Variants in EML5 observed in about 807,000 individuals in gnomAD.
EML5 encodes echinoderm microtubule-associated protein-like 5.
A neutral mutation model predicts 250.0 loss-of-function variants in EML5; 120 were observed. That is an observed-to-expected ratio of 0.48 (90% CI 0.41 to 0.56). The LOEUF is 0.56. Ranked by LOEUF, EML5 falls within the 20% of genes least tolerant of loss-of-function variation. The pLI, the probability that EML5 is intolerant of heterozygous loss-of-function variation, is 0.00. For synonymous variants in EML5, 771 were observed against 806.5 expected, an observed-to-expected ratio of 0.96 and a Z score of 0.75; for missense variants, 2,006 against 2,437.6, an observed-to-expected ratio of 0.82 and a Z score of 3.73.
rs142825923 is a variant in EML5 at position 88,642,832 on chromosome 14, C to A, written c.4237+61G>T. The A allele has an allele frequency of 4.5e-5, 67 of 1,498,060 alleles. No individual in the cohort carries two copies. The African/African-American group carries it at 8.8e-4, about 20-fold the overall frequency. 92.8% of individuals were successfully genotyped at this position (1,498,060 alleles called of 1,614,324 possible). Reference sequence around the variant, plus strand: ...TAGCTTTAACAAAGATTTTAAGCTGCTAGATCAAAATTTCTAAGTTAAAAA... The same window carrying A: ...TAGCTTTAACAAAGATTTTAAGCTGATAGATCAAAATTTCTAAGTTAAAAA... On this transcript the variant is annotated intron_variant, in intron 31 of 43. Transcript: ENST00000554922.
At chr14:88,751,873 T>C (rs916855365) in intron 2 of EML5, among the ~76,000 whole-genome samples, 1 of 152,154 alleles carries the variant, frequency 6.6e-6, no homozygotes, top group African/African-American at 2.4e-5. Context: ...ATCTTATTTG[T>C]GTCCATTAAC....
At chr14:88,729,076 A>C (rs866457848) in intron 7 of EML5, among the ~76,000 whole-genome samples, 1 of 144,906 alleles carries the variant, frequency 6.9e-6, no homozygotes, top group Non-Finnish European at 1.5e-5. Context: ...TTTTCTATAT[A>C]TATAAACACA....
chr14:88,732,090 T>G (rs943879040), intron 7 of EML5, among the ~76,000 whole-genome samples: 3 of 152,216 alleles, frequency 2.0e-5, no homozygotes, highest in African/African-American at 7.2e-5. Context: ...TTTGTCAATT[T>G]TGGCTTTTGT....
intron 2 of EML5, among the ~76,000 whole-genome samples, chr14:88,752,446 T>G (rs902472975): frequency 6.6e-6 from 1 of 152,200 alleles, no homozygotes; most frequent in Non-Finnish European, 1.5e-5. Context: ...ACATTAAGAC[T>G]TGAAAAATAA....
chr14:88,768,471 C>T (rs77141644), intron 1 of EML5, among the ~76,000 whole-genome samples: 19 of 151,616 alleles, frequency 1.3e-4, no homozygotes, highest in East Asian at 7.8e-4. Context: ...AGTGCAATGG[C>T]GCAATCTTGG....
rs2092552646 is a variant in EML5, at chr14:88,674,618, T to A, written c.3124+7272A>T. Reference sequence around the variant, plus strand: ...TGGGTGGGGACACAGTTAAACCACATCATTCTGACCCTGGCACTTCCCAAA... The same window carrying A: ...TGGGTGGGGACACAGTTAAACCACAACATTCTGACCCTGGCACTTCCCAAA... On this transcript the variant is annotated intron_variant, in intron 21 of 43. Transcript: ENST00000554922. 3.3e-5 allele frequency among the ~76,000 whole-genome samples: 5 copies of A among 152,224 alleles called. No individual in the cohort carries two copies. In the South Asian group the frequency reaches 1.0e-3, roughly 32 times the overall value.
At chr14:88,696,979 A>C in intron 14 of EML5, 27 bp from the exon 15 acceptor site, 2 of 1,360,202 alleles carry the variant, frequency 1.5e-6, no homozygotes, top group Admixed American at 2.3e-5. Flanking sequence ...GAAGCTATTA[A>C]ATACAATTAA....
chr14:88,690,229 G>A lies in EML5; in HGVS notation c.2540-1756C>T, dbSNP rs561676357. ...CAGTACTGCAGGCCATTGTAAGGAC[G>A]GCCTACTTTTGCTTTACATGAGATG... On this transcript the variant is annotated intron_variant, in intron 17 of 43. Transcript: ENST00000554922. Among the ~76,000 whole-genome samples, 204 of 152,252 alleles carry A rather than the reference G, an allele frequency of 1.3e-3. 1 individual carries two copies. The highest frequency in any genetic ancestry group is 2.6e-3 in the Admixed American group (39 of 15,294).
At chr14:88,744,470 T>G (rs2093976027) in intron 3 of EML5, among the ~76,000 whole-genome samples, 1 of 152,000 alleles carries the variant, frequency 6.6e-6, no homozygotes, top group Non-Finnish European at 1.5e-5. Flanking sequence ...TTACACAGCC[T>G]AGAAATAAGA....
chr14:88,635,442 G>A (rs2090667168), intron 32 of EML5, among the ~76,000 whole-genome samples: 1 of 152,168 alleles, frequency 6.6e-6, no homozygotes, highest in African/African-American at 2.4e-5. Flanking sequence ...GGGAGTGTTT[G>A]GTCTGGAGAG....
intron 41 of EML5, 87 bp from the exon 42 acceptor site, chr14:88,616,966 A>C: frequency 7.9e-7 from 1 of 1,270,950 alleles, no homozygotes; most frequent in Non-Finnish European, 1.1e-6. Flanking sequence ...ATTAATCTCT[A>C]AGTACCCTAT....
At chr14:88,631,232 G>C (rs571761415) in intron 33 of EML5, among the ~76,000 whole-genome samples, 1 of 151,944 alleles carries the variant, frequency 6.6e-6, no homozygotes, top group East Asian at 1.9e-4. Flanking sequence ...TTTTCTTTTT[G>C]AGACAAGGTC....
chr14:88,697,306 A>C (rs906066126), intron 14 of EML5, among the ~76,000 whole-genome samples: 3 of 152,218 alleles, frequency 2.0e-5, no homozygotes, highest in African/African-American at 7.2e-5. Flanking sequence ...CTGGAAAAAC[A>C]GGACATTATC....
chr14:88,659,655 CT>C (rs2092006480), intron 25 of EML5, among the ~76,000 whole-genome samples: 1 of 148,160 alleles, frequency 6.7e-6, no homozygotes, highest in South Asian at 2.1e-4. Context: ...GAACCTATTC[CT>C]AAGGGATCTA....
intron 25 of EML5, among the ~76,000 whole-genome samples, chr14:88,661,207 G>T (rs1359336196): frequency 2.0e-5 from 3 of 152,142 alleles, no homozygotes; most frequent in Non-Finnish European, 4.4e-5. Flanking sequence ...TCCCACCTCA[G>T]CCTCCTGAGT....
intron 1 of EML5, among the ~76,000 whole-genome samples, chr14:88,767,378 G>A (rs929247278): frequency 6.6e-6 from 1 of 152,128 alleles, no homozygotes; most frequent in African/African-American, 2.4e-5. Context: ...TGCCCTTCTT[G>A]AGCTCCGTAC....
At chr14:88,697,029 G>C (rs1219933819) in intron 14 of EML5, 77 bp from the exon 15 acceptor site, 1 of 976,928 alleles carries the variant, frequency 1.0e-6, no homozygotes, top group African/African-American at 1.7e-5. Context: ...AATAAAACAA[G>C]AGATTTTTAC....
intron 33 of EML5, among the ~76,000 whole-genome samples, chr14:88,633,918 A>C (rs949451396): frequency 4.6e-5 from 7 of 152,192 alleles, no homozygotes; most frequent in African/African-American, 7.2e-5. Flanking sequence ...TCCAAAAAAA[A>C]CCATTACTAT....
intron 14 of EML5, among the ~76,000 whole-genome samples, chr14:88,700,851 GT>G (rs2093193555): frequency 6.6e-6 from 1 of 152,144 alleles, no homozygotes; most frequent in South Asian, 2.1e-4. Context: ...TAACCAGGTA[GT>G]TTTAACCTCT....
Sources: allele counts gnomAD v4.1 joint callset (sites outside exome capture counted in the v4.1 genomes callset), GRCh38; gene constraint gnomAD v4.1.1; transcripts MANE v1.5; gene names NCBI Gene and HGNC (gene_info 2026-07-23, HGNC 2026-07-21).